Variants in ABCA13 observed in about 807,000 individuals in gnomAD.
ABCA13 encodes the protein ATP-binding cassette sub-family A member 13.
In ABCA13, 476 loss-of-function variants were observed where a neutral mutation model predicts 478.7. The observed-to-expected ratio is 0.99, with a 90% CI of 0.92 to 1.07. The LOEUF (loss-of-function observed/expected upper bound fraction) is 1.07, where lower values mean the gene tolerates loss of function less well. Ranked by LOEUF, ABCA13 falls within the 50% of genes least tolerant of loss-of-function variation. ABCA13 has a pLI of 0.00. For synonymous variants in ABCA13, 2,252 were observed against 2,158.9 expected (o/e 1.04, Z -1.20); for missense variants, 6,060 against 5,910.6 (o/e 1.03, Z -0.83).
intron 55 of ABCA13, among the ~76,000 whole-genome samples, chr7:48,548,321 A>G (rs1045678802): frequency 6.6e-6 from 1 of 151,910 alleles, no homozygotes; most frequent in Non-Finnish European, 1.5e-5. Context: ...TGGCGGAGAA[A>G]TGTCCCTAAG....
intron 37 of ABCA13, among the ~76,000 whole-genome samples, chr7:48,390,917 G>T (rs1235821481): frequency 6.6e-6 from 1 of 152,210 alleles, no homozygotes; most frequent in Admixed American, 6.5e-5. Context: ...ACAGCTTTGT[G>T]TCGGCACACA....
intron 1 of ABCA13, among the ~76,000 whole-genome samples, chr7:48,190,161 A>G (rs761513516): frequency 2.6e-5 from 4 of 152,206 alleles, no homozygotes; most frequent in Non-Finnish European, 4.4e-5. Context: ...TTTTCACTAC[A>G]TCTATCCAAA....
chr7:48,458,868 T>A (rs746152860), intron 43 of ABCA13, among the ~76,000 whole-genome samples: 1 of 152,122 alleles, frequency 6.6e-6, no homozygotes, highest in Non-Finnish European at 1.5e-5. Flanking sequence ...ACGCATGACA[T>A]CCACAGGGCT....
At chr7:48,577,977 TTGA>T (rs1167399478) in intron 55 of ABCA13, among the ~76,000 whole-genome samples, 1 of 152,150 alleles carries the variant, frequency 6.6e-6, no homozygotes, top group Non-Finnish European at 1.5e-5. Context: ...AAAAGATGGT[TTGA>T]TCCTATTAAC....
intron 31 of ABCA13, among the ~76,000 whole-genome samples, chr7:48,355,675 G>A (rs1046776620): frequency 6.6e-6 from 1 of 151,938 alleles, no homozygotes; most frequent in Non-Finnish European, 1.5e-5. Flanking sequence ...GGTAAAAAGT[G>A]GTCTGATTCT....
At chr7:48,344,312 CTG>C (rs1314628464) in intron 29 of ABCA13, among the ~76,000 whole-genome samples, 1 of 152,180 alleles carries the variant, frequency 6.6e-6, no homozygotes, top group East Asian at 1.9e-4. Context: ...CCCAAAGTGT[CTG>C]TAGGGCCTAG....
Position 48,272,395 on chromosome 7 carries a change from AG to A in ABCA13, c.2731del (p.Glu911AsnfsTer7), listed in dbSNP as rs1235773585. On this transcript the variant is annotated frameshift_variant, in exon 17 of 62. Coordinates refer to ENST00000435803, the MANE Select transcript of ABCA13 (RefSeq NM_152701.5). LOFTEE classifies it high-confidence loss of function. ...CTCCATGAATTTGGATTTTTGGAGCAGGAACAGATCTCAGAAGCTCTGAACA... is the reference window on the plus strand; with the variant it reads ...CTCCATGAATTTGGATTTTTGGAGCAGAACAGATCTCAGAAGCTCTGAACA... ...TSLHEFGFLE[Q>X]EQISEALNTV... The A allele has an allele frequency of 1.2e-6, 2 of 1,613,720 alleles. No individual in the cohort carries two copies. The highest frequency in any genetic ancestry group is 2.7e-5 in the African/African-American group (2 of 74,928).
At chr7:48,622,896 T>C (rs1793284083) in intron 59 of ABCA13, among the ~76,000 whole-genome samples, 1 of 152,168 alleles carries the variant, frequency 6.6e-6, no homozygotes, top group Non-Finnish European at 1.5e-5. Flanking sequence ...TACCATCTAG[T>C]AAGTAGAGGG....
At chr7:48,301,502 T>C (rs1800151719) in intron 23 of ABCA13, among the ~76,000 whole-genome samples, 1 of 152,160 alleles carries the variant, frequency 6.6e-6, no homozygotes, top group Admixed American at 6.5e-5. Context: ...GAGCAGACAC[T>C]GGTCAAAATT....
At chr7:48,533,436 ATG>A (rs1337134900) in intron 55 of ABCA13, among the ~76,000 whole-genome samples, 2 of 152,096 alleles carry the variant, frequency 1.3e-5, no homozygotes, top group African/African-American at 4.8e-5. Context: ...ATCTTGGAGA[ATG>A]TTCCATGTGC....
intron 20 of ABCA13, among the ~76,000 whole-genome samples, chr7:48,293,201 C>CG (rs1245151767): frequency 2.9e-5 from 4 of 137,300 alleles, no homozygotes; most frequent in Non-Finnish European, 6.6e-5. Context: ...AGCCCCCCCC[C>CG]CGCCACACAC....
chr7:48,383,914 T>G (rs77539601), intron 35 of ABCA13, among the ~76,000 whole-genome samples: 5,109 of 152,322 alleles, frequency 0.034, 115 homozygotes, highest in South Asian at 0.06. Context: ...AACATTTCAT[T>G]AAATGAAAGT....
At chr7:48,399,544 G>A (rs1817303957) in intron 38 of ABCA13, among the ~76,000 whole-genome samples, 1 of 152,200 alleles carries the variant, frequency 6.6e-6, no homozygotes, top group Admixed American at 6.5e-5. Context: ...TGAGAGCCTG[G>A]AGAAGATGTG....
chr7:48,365,833 G>T (rs1255281156), intron 31 of ABCA13, among the ~76,000 whole-genome samples: 1 of 152,096 alleles, frequency 6.6e-6, no homozygotes, highest in Non-Finnish European at 1.5e-5. Flanking sequence ...ATGAAATGTT[G>T]ATGTGATGTG....
At position 48,389,190 on chromosome 7, in the gene ABCA13, G is replaced by C. The variant is rs746317033; in HGVS notation, c.11624G>C (p.Gly3875Ala). The C allele has an allele frequency of 6.2e-7, 1 of 1,613,626 alleles. No homozygotes were observed. The highest frequency in any genetic ancestry group is 8.5e-7 in the Non-Finnish European group (1 of 1,179,710). Residue 3875 changes from glycine to alanine, a missense_variant, in exon 37 of 62, where the codon GGG becomes GCG. Transcript: ENST00000435803. Reference protein sequence around the residue: ...FYRDQITALLGTNGAGKTTII... With the variant: ...FYRDQITALLATNGAGKTTII... The stretch of plus-strand genomic sequence containing the variant: ...AGAGACCAAATCACCGCCCTGCTGG[G>C]GACAAACGGTGCCGGGAAAACCACT...
In ABCA13 at chr7:48,276,076, A is replaced by T. The variant is rs1381388589; in HGVS notation, c.6410A>T (p.Asp2137Val). 1.9e-6 allele frequency: 3 copies of T among 1,604,838 alleles called. No homozygotes were observed. Among genetic ancestry groups the T allele is most frequent in the African/African-American group, 1.3e-5 (1 of 74,656 alleles). ...KNWLQEYANE[D>V]YSRMIETLFI... ...TGGCTTCAGGAATATGCAAATGAGG[A>T]TTACTCCAGAATGATAGAAACATTA... The change falls in exon 17 of 62, where the codon GAT becomes GTT. Residue 2137 changes from aspartate (D) to valine (V), a missense_variant. Transcript: ENST00000435803.
At chr7:48,473,566 A>G (rs1169250450) in intron 45 of ABCA13, among the ~76,000 whole-genome samples, 2 of 152,322 alleles carry the variant, frequency 1.3e-5, no homozygotes, top group East Asian at 3.9e-4. Context: ...TAAAGAAAAA[A>G]GAATGAATCA....
chr7:48,221,548 G>A (rs1315196996), intron 5 of ABCA13, among the ~76,000 whole-genome samples: 1 of 152,260 alleles, frequency 6.6e-6, no homozygotes, highest in Non-Finnish European at 1.5e-5. Context: ...GAGGCCAGCA[G>A]GTGGTGGGCG....
chr7:48,281,286 G>A (rs1796990968), intron 18 of ABCA13, 57 bp from the exon 19 acceptor site: 2 of 1,392,204 alleles, frequency 1.4e-6, no homozygotes, highest in Non-Finnish European at 2.0e-6. Context: ...CAGTAGAGAT[G>A]CACATGGGTT....
Sources: allele counts gnomAD v4.1 joint callset (sites outside exome capture counted in the v4.1 genomes callset), GRCh38; gene constraint gnomAD v4.1.1; transcripts MANE v1.5; gene names NCBI Gene and HGNC (gene_info 2026-07-23, HGNC 2026-07-21).